ZBTB20: variants seen among roughly 807,000 people sequenced by gnomAD.
The protein encoded by ZBTB20 is zinc finger and BTB domain containing 20, also known as zinc finger and BTB domain-containing protein 20.
A neutral mutation model predicts 56.9 loss-of-function variants in ZBTB20; 9 were observed. The observed-to-expected ratio is 0.16, with a 90% CI of 0.10 to 0.28. ZBTB20 has a LOEUF of 0.28. Ranked by LOEUF, ZBTB20 falls within the 10% of genes least tolerant of loss-of-function variation. ZBTB20 has a pLI of 1.00. For synonymous variants in ZBTB20, 417 were observed against 420.7 expected (o/e 0.99, Z 0.11); for missense variants, 655 against 1,003.0 (o/e 0.65, Z 4.69).
rs547020878 is a variant in ZBTB20, at chr3:114,812,604, C to G, written c.-416-11430G>C. Among the ~76,000 whole-genome samples, 5 of 152,360 alleles carry G rather than the reference C, an allele frequency of 3.3e-5. No homozygotes were observed. In the South Asian group the frequency reaches 1.0e-3, roughly 32 times the overall value. On this transcript the variant is annotated intron_variant, in intron 4 of 11. Coordinates refer to ENST00000675478, the MANE Select transcript of ZBTB20 (RefSeq NM_001348800.3). ...CTAGACATAAAGGCTCTCCACGTCC[C>G]CACCAGACTTAGGAGCCCAGCTGGC...
intron 6 of ZBTB20, among the ~76,000 whole-genome samples, chr3:114,591,447 G>A (rs982449683): frequency 1.1e-4 from 17 of 151,884 alleles, no homozygotes; most frequent in Non-Finnish European, 2.1e-4. Context: ...AAACCATCAC[G>A]GATAATGAAA....
intron 3 of ZBTB20, among the ~76,000 whole-genome samples, chr3:114,918,402 T>C (rs1017512921): frequency 1.3e-5 from 2 of 151,894 alleles, no homozygotes; most frequent in African/African-American, 4.8e-5. Flanking sequence ...TCCCCTTTTC[T>C]CTCCCATCTG....
In ZBTB20 at chr3:114,445,021, G is replaced by A. The variant is rs541618817; in HGVS notation, c.-255+55331C>T. 5.3e-5 allele frequency among the ~76,000 whole-genome samples: 8 copies of A among 152,234 alleles called. No homozygotes were observed. In the South Asian group the frequency reaches 1.7e-3, roughly 32 times the overall value. On this transcript the variant is annotated intron_variant, in intron 7 of 11. Transcript: ENST00000675478. ...ATTGAGATATCTAAAGCCCCTTCAA[G>A]CTCCAAGATACAGTGATTATGATGC...
chr3:114,347,100 T>G (rs960118617), intron 11 of ZBTB20, among the ~76,000 whole-genome samples: 8 of 138,216 alleles, frequency 5.8e-5, no homozygotes, highest in African/African-American at 1.4e-4. Context: ...TTTTTTTTTT[T>G]TTTTTTTTTT....
intron 4 of ZBTB20, among the ~76,000 whole-genome samples, chr3:114,870,998 C>T (rs1011744386): frequency 2.6e-5 from 4 of 152,024 alleles, no homozygotes; most frequent in Admixed American, 2.6e-4. Flanking sequence ...TTCCACACTA[C>T]CCAAGTTTTG....
intron 5 of ZBTB20, chr3:114,791,685 A>G (rs1485484696): frequency 6.6e-6 from 1 of 152,224 alleles, no homozygotes; most frequent in Non-Finnish European, 1.5e-5. Flanking sequence ...GTGAAATTTT[A>G]GCAAAGGTTA....
chr3:114,630,647 C>T (rs1180349014), intron 6 of ZBTB20, among the ~76,000 whole-genome samples: 1 of 152,224 alleles, frequency 6.6e-6, no homozygotes, highest in Admixed American at 6.5e-5. Context: ...GTGCACATTG[C>T]AGGAGGCTGC....
intron 6 of ZBTB20, among the ~76,000 whole-genome samples, chr3:114,558,810 A>C (rs2051611829): frequency 6.6e-6 from 1 of 152,164 alleles, no homozygotes; most frequent in Non-Finnish European, 1.5e-5. Flanking sequence ...TTCTCTGAAC[A>C]CATCACCAGT....
intron 6 of ZBTB20, among the ~76,000 whole-genome samples, chr3:114,573,576 A>C (rs1005049750): frequency 1.3e-5 from 2 of 151,804 alleles, no homozygotes; most frequent in African/African-American, 4.8e-5. Context: ...AAAAAAGAGA[A>C]AAAGGAAAAA....
chr3:114,579,651 G>T (rs2107468822), intron 6 of ZBTB20, among the ~76,000 whole-genome samples: 1 of 151,218 alleles, frequency 6.6e-6, no homozygotes, highest in South Asian at 2.1e-4. Context: ...GCCAGTTTTT[G>T]TAAAGAAGTA....
chr3:114,715,314 T>C (rs1172569861), intron 5 of ZBTB20, among the ~76,000 whole-genome samples: 2 of 152,240 alleles, frequency 1.3e-5, no homozygotes, highest in Non-Finnish European at 2.9e-5. Flanking sequence ...AGAATTTCGG[T>C]AGCAATGAGC....
At chr3:114,389,655 C>G (rs550878126) in intron 7 of ZBTB20, among the ~76,000 whole-genome samples, 42 of 151,826 alleles carry the variant, frequency 2.8e-4, no homozygotes, top group African/African-American at 9.7e-4. Context: ...TTTGGGAGGC[C>G]GAGGTGTGAG....
chr3:114,965,403 T>G (rs1196283308), intron 3 of ZBTB20, among the ~76,000 whole-genome samples: 1 of 152,124 alleles, frequency 6.6e-6, no homozygotes, highest in Non-Finnish European at 1.5e-5. Context: ...ATTCCTCCTG[T>G]CTAAGTGAAA....
At chr3:115,035,731 A>G (rs2080887887) in intron 2 of ZBTB20, among the ~76,000 whole-genome samples, 1 of 152,214 alleles carries the variant, frequency 6.6e-6, no homozygotes, top group Admixed American at 6.5e-5. Flanking sequence ...AACTGACAGC[A>G]GGGTCTTGAA....
At chr3:114,627,238 T>C (rs1354609616) in intron 6 of ZBTB20, among the ~76,000 whole-genome samples, 1 of 152,174 alleles carries the variant, frequency 6.6e-6, no homozygotes, top group Non-Finnish European at 1.5e-5. Context: ...AATATTTGAC[T>C]AAACTAGGAG....
At chr3:115,091,238 A>G (rs180855964) in intron 1 of ZBTB20, among the ~76,000 whole-genome samples, 30 of 152,134 alleles carry the variant, frequency 2.0e-4, no homozygotes, top group Non-Finnish European at 1.2e-4. Flanking sequence ...AAAACATGAA[A>G]TATCAAATAG....
At chr3:114,590,382 C>T (rs994698549) in intron 6 of ZBTB20, among the ~76,000 whole-genome samples, 3 of 151,816 alleles carry the variant, frequency 2.0e-5, no homozygotes, top group African/African-American at 4.8e-5. Flanking sequence ...ACTTGGGAGG[C>T]GGAGGTTGCA....
intron 5 of ZBTB20, among the ~76,000 whole-genome samples, chr3:114,749,997 T>A (rs951426692): frequency 6.6e-5 from 10 of 152,204 alleles, no homozygotes; most frequent in Admixed American, 2.6e-4. Flanking sequence ...TGCTACAAAA[T>A]CTATTAAGCC....
At chr3:114,833,320 C>T (rs574773337) in intron 4 of ZBTB20, among the ~76,000 whole-genome samples, 2 of 152,216 alleles carry the variant, frequency 1.3e-5, no homozygotes, top group African/African-American at 4.8e-5. Context: ...AAGAGAGTAA[C>T]TTTTACACAT....
Sources: allele counts gnomAD v4.1 joint callset (sites outside exome capture counted in the v4.1 genomes callset), GRCh38; gene constraint gnomAD v4.1.1; transcripts MANE v1.5; gene names NCBI Gene and HGNC (gene_info 2026-07-23, HGNC 2026-07-21).